The following ATP13A5 variants were observed in gnomAD, a reference collection of about 807,000 sequenced individuals.
ATP13A5 encodes the protein probable cation-transporting ATPase 13A5.
Under a neutral mutation model 150.2 loss-of-function variants are expected in ATP13A5, and 149 were observed. That is an observed-to-expected ratio of 0.99 (90% CI 0.87 to 1.14). ATP13A5 has a LOEUF of 1.14. Ranked by LOEUF, ATP13A5 falls within the 50% of genes most tolerant of loss-of-function variation. The pLI, the probability that ATP13A5 is intolerant of heterozygous loss-of-function variation, is 0.00. For missense variants in ATP13A5, 1,383 were observed against 1,449.3 expected, an observed-to-expected ratio of 0.95 and a Z score of 0.74; for synonymous variants, 497 against 522.2, an observed-to-expected ratio of 0.95 and a Z score of 0.66.
intron 13 of ATP13A5, among the ~76,000 whole-genome samples, chr3:193,325,341 T>G (rs1216549152): frequency 2.6e-5 from 4 of 152,246 alleles, no homozygotes; most frequent in Non-Finnish European, 5.9e-5. Flanking sequence ...TTTCTTTATT[T>G]TTTAAACAGG....
intron 17 of ATP13A5, among the ~76,000 whole-genome samples, chr3:193,317,000 C>T (rs754028540): frequency 1.6e-4 from 24 of 152,298 alleles, no homozygotes; most frequent in Non-Finnish European, 2.8e-4. Context: ...ACATAAAGCA[C>T]AGGCAACAAA....
chr3:193,344,126 GA>G, intron 8 of ATP13A5, 71 bp from the exon 9 acceptor site: 2 of 1,558,732 alleles, frequency 1.3e-6, no homozygotes, highest in Non-Finnish European at 1.7e-6. Context: ...AGGCAACTAA[GA>G]ATCCTTATCA....
At chr3:193,313,946 C>T (rs1378025212) in intron 19 of ATP13A5, 87 bp downstream of exon 19, 7 of 1,423,760 alleles carry the variant, frequency 4.9e-6, no homozygotes, top group African/African-American at 1.4e-5. Flanking sequence ...ACTGAGATGA[C>T]TCCTGGAGTT....
At chr3:193,370,665 T>C (rs796631091) in intron 1 of ATP13A5, among the ~76,000 whole-genome samples, 3 of 152,316 alleles carry the variant, frequency 2.0e-5, no homozygotes, top group African/African-American at 7.2e-5. Flanking sequence ...CTTGAATCCC[T>C]TTTACTTTTA....
intron 3 of ATP13A5, 143 bp downstream of exon 3, chr3:193,363,093 A>G (rs1384739422): frequency 1.9e-6 from 2 of 1,050,292 alleles, no homozygotes; most frequent in Non-Finnish European, 2.7e-6. Context: ...GTGAACGACC[A>G]TGCCCAGCCA....
intron 21 of ATP13A5, 70 bp from the exon 22 acceptor site, chr3:193,307,439 A>G (rs1718662053): frequency 6.4e-7 from 1 of 1,566,408 alleles, no homozygotes; most frequent in African/African-American, 1.3e-5. Flanking sequence ...ATTTTCCATC[A>G]TAACTAAGTC....
intron 1 of ATP13A5, among the ~76,000 whole-genome samples, chr3:193,365,851 G>A (rs1183966304): frequency 6.6e-6 from 1 of 151,974 alleles, no homozygotes; most frequent in Non-Finnish European, 1.5e-5. Flanking sequence ...AACTCACAAT[G>A]CTAGTAAGAC....
At chr3:193,320,670 A>C (rs944666463) in intron 16 of ATP13A5, among the ~76,000 whole-genome samples, 15 of 152,350 alleles carry the variant, frequency 9.8e-5, no homozygotes, top group African/African-American at 3.6e-4. Context: ...AGTTAAAGGA[A>C]TTATTTGCCA....
intron 1 of ATP13A5, among the ~76,000 whole-genome samples, chr3:193,377,639 CAG>C (rs1713688517): frequency 6.6e-6 from 1 of 152,232 alleles, no homozygotes; most frequent in South Asian, 2.1e-4. Context: ...GAGTAGCAAA[CAG>C]GGATAGGTGG....
chr3:193,324,222 C>T (rs1719389826), intron 14 of ATP13A5, among the ~76,000 whole-genome samples: 1 of 152,174 alleles, frequency 6.6e-6, no homozygotes, highest in African/African-American at 2.4e-5. Flanking sequence ...TTCATTCACA[C>T]TCAGCTCAGG....
At chr3:193,348,042 A>G (rs1165776793) in intron 7 of ATP13A5, among the ~76,000 whole-genome samples, 3 of 152,192 alleles carry the variant, frequency 2.0e-5, no homozygotes, top group Non-Finnish European at 4.4e-5. Context: ...TTAGAACCAA[A>G]TTATTCTACT....
At chr3:193,301,177 A>G (rs779783385) in intron 24 of ATP13A5, 34 bp downstream of exon 24, 8 of 1,498,272 alleles carry the variant, frequency 5.3e-6, no homozygotes, top group African/African-American at 1.4e-5. Context: ...CATAAATGCA[A>G]TTAGAACTGA....
At chr3:193,372,440 A>G (rs1395154185) in intron 1 of ATP13A5, among the ~76,000 whole-genome samples, 1 of 152,066 alleles carries the variant, frequency 6.6e-6, no homozygotes, top group Admixed American at 6.6e-5. Context: ...AACTGTTTCT[A>G]ATTTCTTTTA....
At chr3:193,277,478 C>A (rs1174293264) in intron 28 of ATP13A5, among the ~76,000 whole-genome samples, 1 of 152,170 alleles carries the variant, frequency 6.6e-6, no homozygotes, top group Non-Finnish European at 1.5e-5. Flanking sequence ...AGACCCCACC[C>A]AAGAGTGGAA....
rs1212204638 is a variant in ATP13A5, at chr3:193,326,999, T to A, written c.1520A>T (p.Asn507Ile). The change falls in exon 13 of 30, where the codon AAC (asparagine) becomes ATC (isoleucine). Residue 507 changes from asparagine to isoleucine, a missense_variant. By Grantham distance (149) the Asn-to-Ile change is moderately radical. Coordinates refer to ENST00000342358, the MANE Select transcript of ATP13A5 (RefSeq NM_198505.4). ...DLWGTVPTADNCFQEAHSFAS... is the reference protein window; with the variant it reads ...DLWGTVPTADICFQEAHSFAS... Reference sequence around the variant, plus strand: ...CATTTTCACATAAGAGGCCTACCAGTTGTCAGCAGTAGGGACAGTCCCCCA... The same window carrying A: ...CATTTTCACATAAGAGGCCTACCAGATGTCAGCAGTAGGGACAGTCCCCCA... The A allele has an allele frequency of 6.2e-7, 1 of 1,613,906 alleles. No homozygotes were observed. The highest frequency in any genetic ancestry group is 1.1e-5 in the South Asian group (1 of 91,042).
chr3:193,343,949 C>T lies in ATP13A5; in HGVS notation c.921G>A (p.Val307=), dbSNP rs1438022217. The T allele has an allele frequency of 6.2e-7, 1 of 1,613,020 alleles. No individual in the cohort carries two copies. The highest frequency in any genetic ancestry group is 8.5e-7 in the Non-Finnish European group (1 of 1,179,486). ...CDAVLIDGSC[V]VNEGMLTGES... The stretch of plus-strand genomic sequence containing the variant: ...TACCTGTAAGCATGCCTTCATTCAC[C>T]ACGCAGCTTCCATCAATCAAAACAG... The change falls in exon 9 of 30, where the codon GTG becomes GTA. Residue 307 remains valine, a synonymous_variant. Coordinates refer to ENST00000342358, the MANE Select transcript of ATP13A5 (RefSeq NM_198505.4).
Position 193,284,958 on chromosome 3 carries a change from A to G in ATP13A5, c.3182T>C (p.Ile1061Thr), listed in dbSNP as rs532977054. 50 of 1,613,946 alleles carry G rather than the reference A, an allele frequency of 3.1e-5. No individual in the cohort carries two copies. Among genetic ancestry groups the G allele is most frequent in the Non-Finnish European group, 4.2e-5 (50 of 1,179,950 alleles). The change falls in exon 27 of 30, where the codon ATC (isoleucine) becomes ACC (threonine). Residue 1061 changes from isoleucine (I) to threonine (T), a missense_variant. Ile to Thr is a moderately conservative substitution (Grantham distance 89). This residue lies in a region of ATP13A5 where 568 missense variants were observed against 621.5 expected (regional missense o/e 0.91). Transcript: ENST00000342358. The stretch of plus-strand genomic sequence containing the variant: ...TCGAAATGGCTTTCCCTTAGAAAAG[A>G]TGAATGCTACTGTGATATAGTTGAT... ...TTINYITVAF[I>T]FSKGKPFRKP...
chr3:193,309,332 A>G (rs1278370484), intron 21 of ATP13A5, among the ~76,000 whole-genome samples: 1 of 152,208 alleles, frequency 6.6e-6, no homozygotes, highest in Admixed American at 6.5e-5. Context: ...CCAGGGTATA[A>G]CGCACCTACT....
At chr3:193,342,473 A>G (rs1278184433) in intron 9 of ATP13A5, among the ~76,000 whole-genome samples, 1 of 152,218 alleles carries the variant, frequency 6.6e-6, no homozygotes, top group Non-Finnish European at 1.5e-5. Flanking sequence ...TTTTTACTTC[A>G]TGTGTCTGTC....
Sources: allele counts gnomAD v4.1 joint callset (sites outside exome capture counted in the v4.1 genomes callset), GRCh38; gene constraint gnomAD v4.1.1; regional missense constraint gnomAD v4.1.1; transcripts MANE v1.5; gene names NCBI Gene and HGNC (gene_info 2026-07-23, HGNC 2026-07-21).